PHACTR2: variants seen among roughly 807,000 people sequenced by gnomAD.
The protein encoded by PHACTR2 is phosphatase and actin regulator 2, also known as chromosome 6 open reading frame 56.
A neutral mutation model predicts 76.0 loss-of-function variants in PHACTR2; 30 were observed. The ratio of observed to expected loss-of-function variants is 0.39; its 90% CI spans 0.30 to 0.54. The LOEUF (loss-of-function observed/expected upper bound fraction) is 0.54, where lower values mean the gene tolerates loss of function less well. Among genes scored for constraint, PHACTR2 ranks in the 20% least tolerant of loss-of-function variants. The probability of loss-of-function intolerance (pLI) is 0.61; values close to 1 mark genes in which losing one functional copy is unlikely to be tolerated. For synonymous variants in PHACTR2, 292 were observed against 292.5 expected (o/e 1.00, Z 0.02); for missense variants, 696 against 781.1 (o/e 0.89, Z 1.30).
Position 143,585,320 on chromosome 6 carries a change from T to C in PHACTR2, c.217+48113T>C, listed in dbSNP as rs990098308. Among the ~76,000 whole-genome samples the C allele has an allele frequency of 6.6e-6, 1 of 152,164 alleles. No individual in the cohort carries two copies. Among genetic ancestry groups the C allele is most frequent in the African/African-American group, 2.4e-5 (1 of 41,438 alleles). On this transcript the variant is annotated intron_variant, in intron 1 of 11. Coordinates refer to the PHACTR2 transcript ENST00000367584. This position sits in a 1 kb window ranked among gnomAD's most constrained non-coding sequence, Gnocchi z 5.2. ...AGCAGGTCTGTCCATTGGAGCAAGA[T>C]TCCAGCTACCAGGAAGAGGCTGGAA...
chr6:143,700,479 C>T lies in PHACTR2; in HGVS notation c.47-11537C>T, dbSNP rs1178774865. On this transcript the variant is annotated intron_variant, in intron 1 of 12. Coordinates refer to ENST00000440869, the MANE Select transcript of PHACTR2 (RefSeq NM_001100164.2). The surrounding 1 kb of genome is among the most constrained non-coding windows in gnomAD (Gnocchi z 4.1). ...CTGAGGCAAGAGAATCACTTGGACC[C>T]AGGAGCCGGAGGTTGCAGTGAGCTG... Among the ~76,000 whole-genome samples the T allele has an allele frequency of 6.6e-6, 1 of 152,130 alleles. No homozygotes were observed. Among genetic ancestry groups the T allele is most frequent in the Non-Finnish European group, 1.5e-5 (1 of 68,020 alleles).
rs1462325634 is a variant in PHACTR2, at chr6:143,592,348, A to G, written c.217+55141A>G. On this transcript the variant is annotated intron_variant, in intron 1 of 11. Transcript: ENST00000367584. This position sits in a 1 kb window ranked among gnomAD's most constrained non-coding sequence, Gnocchi z 4.0. ...CATCCAGATCCCCTGCATGTTTACTATTGTTTAGTAAGTTTTCTAGAGCTT... is the reference window on the plus strand; with the variant it reads ...CATCCAGATCCCCTGCATGTTTACTGTTGTTTAGTAAGTTTTCTAGAGCTT... 6.6e-6 allele frequency among the ~76,000 whole-genome samples: 1 copy of G among 152,112 alleles called. No individual in the cohort carries two copies. The highest frequency in any genetic ancestry group is 1.5e-5 in the Non-Finnish European group (1 of 68,016).
chr6:143,543,774 G>A lies in PHACTR2; in HGVS notation c.217+6567G>A, dbSNP rs570148641. Among the ~76,000 whole-genome samples, 1 of 152,324 alleles carries A rather than the reference G, an allele frequency of 6.6e-6. No individual in the cohort carries two copies. Among genetic ancestry groups the A allele is most frequent in the East Asian group, 1.9e-4 (1 of 5,190 alleles). On this transcript the variant is annotated intron_variant, in intron 1 of 11. Transcript: ENST00000367584. This position sits in a 1 kb window ranked among gnomAD's most constrained non-coding sequence, Gnocchi z 4.7. ...GCTGGGCAGAGACTGAGTATGGGAG[G>A]TTGCTGTGTTTGCCTTTTTCCTGGG...
At position 143,553,943 on chromosome 6, in the gene PHACTR2, G is replaced by C. The variant is rs140414013; in HGVS notation, c.217+16736G>C. 3.9e-3 allele frequency among the ~76,000 whole-genome samples: 593 copies of C among 152,268 alleles called. 6 individuals are homozygous for C. The highest frequency in any genetic ancestry group is 0.014 in the African/African-American group (571 of 41,556). On this transcript the variant is annotated intron_variant, in intron 1 of 11. Coordinates refer to the PHACTR2 transcript ENST00000367584. The surrounding 1 kb of genome is among the most constrained non-coding windows in gnomAD (Gnocchi z 4.2). ...TTAAGGGGTGATCCTTCCAGGCAGA[G>C]AGAAGAGCAAGGGCAAAGGCCCCAA...
Position 143,653,639 on chromosome 6 carries a change from C to T in PHACTR2, c.13+45317C>T, listed in dbSNP as rs1776799851. Reference sequence around the variant, plus strand: ...GGGAAAGAAATGTCTTATCAGCAAACAGTGCTAGGGCAACTAGATATCTAT... The same window carrying T: ...GGGAAAGAAATGTCTTATCAGCAAATAGTGCTAGGGCAACTAGATATCTAT... On this transcript the variant is annotated intron_variant, in intron 1 of 11. Transcript: ENST00000305766. The surrounding 1 kb of genome is among the most constrained non-coding windows in gnomAD (Gnocchi z 4.9). Among the ~76,000 whole-genome samples the T allele has an allele frequency of 6.6e-6, 1 of 151,462 alleles. No individual in the cohort carries two copies. The highest frequency in any genetic ancestry group is 1.9e-4 in the East Asian group (1 of 5,172).
chr6:143,714,629 A>G (rs1778261212), intron 2 of PHACTR2, among the ~76,000 whole-genome samples: 1 of 152,188 alleles, frequency 6.6e-6, no homozygotes, highest in South Asian at 2.1e-4. Context: ...AGTTTCCAAT[A>G]TCTTCAACTC....
At chr6:143,674,460 G>T (rs1218848582), upstream of PHACTR2, among the ~76,000 whole-genome samples, 3 of 152,136 alleles carry the variant, frequency 2.0e-5, no homozygotes, top group Non-Finnish European at 4.4e-5. The surrounding 1 kb of genome is among the most constrained non-coding windows in gnomAD (Gnocchi z 4.9). Flanking sequence ...CCAAGGAAAT[G>T]TCACTAATTC....
At position 143,633,272 on chromosome 6, in the gene PHACTR2, G is replaced by T. The variant is rs967785547; in HGVS notation, c.13+24950G>T. 6.6e-6 allele frequency among the ~76,000 whole-genome samples: 1 copy of T among 152,208 alleles called. No individual in the cohort carries two copies. The highest frequency in any genetic ancestry group is 2.4e-5 in the African/African-American group (1 of 41,440). ...TGCTCCACGTCTCTACCAGGATTTG[G>T]TGTTGTCAATGTTCTGGATTTTGAC... On this transcript the variant is annotated intron_variant, in intron 1 of 11. Transcript: ENST00000305766. This position sits in a 1 kb window ranked among gnomAD's most constrained non-coding sequence, Gnocchi z 4.1.
In PHACTR2 at chr6:143,826,482, T is replaced by A. The variant is rs532611879; in HGVS notation, c.*2793T>A. The A allele has an allele frequency of 6.6e-6, 1 of 152,234 alleles. No individual in the cohort carries two copies. The highest frequency in any genetic ancestry group is 1.5e-5 in the Non-Finnish European group (1 of 68,044). The allele number at this position is 152,234 out of a possible 1,614,324, so 9.4% of individuals were successfully genotyped here. On this transcript the variant is annotated 3_prime_UTR_variant, in exon 13 of 13. Transcript: ENST00000440869. ...CATCGAGGAAGTAAGTGGGTTTTCCTGAGTTCCCAAGATATGATTAAGGAA... is the reference window on the plus strand; with the variant it reads ...CATCGAGGAAGTAAGTGGGTTTTCCAGAGTTCCCAAGATATGATTAAGGAA...
In PHACTR2 at chr6:143,585,120, G is replaced by A. The variant is rs955702378; in HGVS notation, c.217+47913G>A. The stretch of plus-strand genomic sequence containing the variant: ...TGACGGGCAGGACCAAGGCCTGGCA[G>A]TAGACCCGTACACCAAGGGGGACCA... On this transcript the variant is annotated intron_variant, in intron 1 of 11. Coordinates refer to the PHACTR2 transcript ENST00000367584. This position sits in a 1 kb window ranked among gnomAD's most constrained non-coding sequence, Gnocchi z 5.2. 1.3e-5 allele frequency among the ~76,000 whole-genome samples: 2 copies of A among 152,194 alleles called. No homozygotes were observed. Among genetic ancestry groups the A allele is most frequent in the Non-Finnish European group, 2.9e-5 (2 of 68,048 alleles).
Position 143,743,601 on chromosome 6 carries a change from T to G in PHACTR2, c.215-5384T>G, listed in dbSNP as rs2128468497. 6.6e-6 allele frequency among the ~76,000 whole-genome samples: 1 copy of G among 152,344 alleles called. No homozygotes were observed. The highest frequency in any genetic ancestry group is 2.1e-4 in the South Asian group (1 of 4,824). ...AGCTCTGCCTTAGTGAAGATCTTGT[T>G]AAAAGCAGACCATTTTCTGACATTC... On this transcript the variant is annotated intron_variant, in intron 2 of 12. Coordinates refer to ENST00000440869, the MANE Select transcript of PHACTR2 (RefSeq NM_001100164.2). This position sits in a 1 kb window ranked among gnomAD's most constrained non-coding sequence, Gnocchi z 5.0.
intron 1 of PHACTR2, among the ~76,000 whole-genome samples, chr6:143,540,718 A>T (rs968984641): frequency 6.6e-5 from 10 of 152,076 alleles, no homozygotes; most frequent in Admixed American, 6.5e-4. Context: ...AAAAAAACCC[A>T]AGCCAGTTTT....
intron 11 of PHACTR2, among the ~76,000 whole-genome samples, chr6:143,799,025 T>C (rs942252798): frequency 1.3e-4 from 20 of 152,324 alleles, no homozygotes; most frequent in African/African-American, 4.6e-4. Flanking sequence ...CTGGACTCTT[T>C]TTGGTTGGTA....
chr6:143,765,938 A>G lies in PHACTR2; in HGVS notation c.1232+140A>G, dbSNP rs536338103. On this transcript the variant is annotated intron_variant, in intron 6 of 12. Coordinates refer to ENST00000440869, the MANE Select transcript of PHACTR2 (RefSeq NM_001100164.2). The surrounding 1 kb of genome is among the most constrained non-coding windows in gnomAD (Gnocchi z 4.1). The stretch of plus-strand genomic sequence containing the variant: ...AGGTAGGCATACATGTGATCCAACC[A>G]TTGCTTTGTCAGAGCCCTGCCCTGG... 1.8e-5 allele frequency: 13 copies of G among 730,462 alleles called. No homozygotes were observed. In the East Asian group the frequency reaches 2.4e-4, roughly 14 times the overall value. 45.2% of individuals were successfully genotyped at this position (730,462 alleles called of 1,614,324 possible).
intron 1 of PHACTR2, among the ~76,000 whole-genome samples, chr6:143,594,326 A>T (rs752551315): frequency 6.6e-6 from 1 of 152,222 alleles, no homozygotes; most frequent in African/African-American, 2.4e-5. Flanking sequence ...TTGACATTGC[A>T]TGTGTATTAT....
rs190065690 is a variant in PHACTR2, at chr6:143,740,850, T to G, written c.215-8135T>G. Among the ~76,000 whole-genome samples the G allele has an allele frequency of 2.1e-3, 322 of 152,160 alleles. 1 individual carries two copies. Among genetic ancestry groups the G allele is most frequent in the Non-Finnish European group, 1.7e-3 (116 of 67,978 alleles). ...CAGATTGGAGAATACAAAGCAGGAGTCTTTTGGTTACACACACCTGGGTTC... is the reference window on the plus strand; with the variant it reads ...CAGATTGGAGAATACAAAGCAGGAGGCTTTTGGTTACACACACCTGGGTTC... On this transcript the variant is annotated intron_variant, in intron 2 of 12. Coordinates refer to ENST00000440869, the MANE Select transcript of PHACTR2 (RefSeq NM_001100164.2).
rs188974632 is a variant in PHACTR2 at position 143,790,929 on chromosome 6, G to A, written c.1845+2019G>A. Among the ~76,000 whole-genome samples the A allele has an allele frequency of 2.2e-4, 33 of 152,186 alleles. 1 individual carries two copies. Among genetic ancestry groups the A allele is most frequent in the Admixed American group, 2.0e-3 (31 of 15,284 alleles). Reference sequence around the variant, plus strand: ...CCTGACATTGTGATCTGCCCGCCTCGGCCTCCCAAAGTGCTGGGATTACAG... The same window carrying A: ...CCTGACATTGTGATCTGCCCGCCTCAGCCTCCCAAAGTGCTGGGATTACAG... On this transcript the variant is annotated intron_variant, in intron 11 of 12. Transcript: ENST00000440869.
intron 1 of PHACTR2, among the ~76,000 whole-genome samples, chr6:143,560,720 G>A (rs1775255464): frequency 6.6e-6 from 1 of 152,182 alleles, no homozygotes; most frequent in Admixed American, 6.5e-5. Context: ...GGATACCTAA[G>A]CTGTCATGAA....
At chr6:143,790,702 C>A (rs1282094740) in intron 11 of PHACTR2, among the ~76,000 whole-genome samples, 3 of 144,010 alleles carry the variant, frequency 2.1e-5, no homozygotes, top group Admixed American at 7.1e-5. Flanking sequence ...GAGACGGAGT[C>A]TCACTCTGTC....
Sources: gnomAD v4.1 joint callset for allele counts (sites outside exome capture counted in the v4.1 genomes callset) on GRCh38, gnomAD v4.1.1 for gene constraint, Gnocchi (gnomAD v3.1) non-coding constraint, MANE v1.5 for transcripts, NCBI Gene and HGNC (gene_info 2026-07-23, HGNC 2026-07-21) for gene names.